Variants in DSCAML1 observed in about 807,000 individuals in gnomAD.
The protein encoded by DSCAML1 is cell adhesion molecule DSCAML1.
A neutral mutation model predicts 200.5 loss-of-function variants in DSCAML1; 38 were observed. That is an observed-to-expected ratio of 0.19 (90% CI 0.15 to 0.25). The LOEUF (loss-of-function observed/expected upper bound fraction) is 0.25, where lower values mean the gene tolerates loss of function less well. Among genes scored for constraint, DSCAML1 ranks in the 10% least tolerant of loss-of-function variants. The probability of loss-of-function intolerance (pLI) is 1.00; values close to 1 mark genes in which losing one functional copy is unlikely to be tolerated. For synonymous variants in DSCAML1, 1,215 were observed against 1,165.0 expected (o/e 1.04, Z -0.87); for missense variants, 2,223 against 2,858.8 (o/e 0.78, Z 5.07).
chr11:117,672,102 G>GGAAAAAAAAAGAAA (rs1555196987), intron 3 of DSCAML1, among the ~76,000 whole-genome samples: 4 of 94,506 alleles, frequency 4.2e-5, no homozygotes, highest in Non-Finnish European at 6.0e-5. Context: ...CTCCAGCTCA[G>GGAAAAAAAAAGAAA]AAAAAAAAAA....
In DSCAML1 at chr11:117,672,102, G is replaced by GAAAAAAAAAA. The variant is rs71037491; in HGVS notation, c.511+104679_511+104688dup. Among the ~76,000 whole-genome samples, 779 of 94,376 alleles carry GAAAAAAAAAA rather than the reference G, an allele frequency of 8.3e-3. 2 individuals carry two copies. Among genetic ancestry groups the GAAAAAAAAAA allele is most frequent in the Non-Finnish European group, 0.011 (531 of 50,296 alleles). The allele number at this position is 94,376 out of a possible 152,430, so 61.9% of individuals were successfully genotyped here. On this transcript the variant is annotated intron_variant, in intron 3 of 32. Coordinates refer to ENST00000651296, the MANE Select transcript of DSCAML1 (RefSeq NM_020693.4). ...GGCGACAGAGCGAGACTCCAGCTCA[G>GAAAAAAAAAA]AAAAAAAAAAAAAAAAAAAAAGAAG...
chr11:117,682,094 G>A (rs1348972354), intron 3 of DSCAML1, among the ~76,000 whole-genome samples: 1 of 152,184 alleles, frequency 6.6e-6, no homozygotes, highest in Non-Finnish European at 1.5e-5. Flanking sequence ...GTTTATGGTT[G>A]TCACAAAGAT....
At chr11:117,526,780 T>C (rs1446040915) in intron 4 of DSCAML1, among the ~76,000 whole-genome samples, 11 of 152,164 alleles carry the variant, frequency 7.2e-5, no homozygotes, top group Non-Finnish European at 1.0e-4. Flanking sequence ...CTTCCCAAAG[T>C]GCTGAGATTA....
chr11:117,600,100 C>T (rs2051436595), intron 3 of DSCAML1, among the ~76,000 whole-genome samples: 1 of 152,222 alleles, frequency 6.6e-6, no homozygotes, highest in African/African-American at 2.4e-5. Context: ...GGGAATGAGT[C>T]TTCATATATG....
intron 3 of DSCAML1, among the ~76,000 whole-genome samples, chr11:117,697,584 C>T (rs2053605560): frequency 6.6e-6 from 1 of 152,114 alleles, no homozygotes; most frequent in Non-Finnish European, 1.5e-5. Context: ...CCATTAAACA[C>T]TAACCCCCCA....
intron 3 of DSCAML1, among the ~76,000 whole-genome samples, chr11:117,539,659 G>C (rs1372950685): frequency 7.2e-6 from 1 of 138,838 alleles, no homozygotes; most frequent in Non-Finnish European, 1.5e-5. Context: ...GCAGTGGCAA[G>C]AGGTTTGCCA....
intron 3 of DSCAML1, among the ~76,000 whole-genome samples, chr11:117,603,176 G>C (rs1013505548): frequency 1.3e-5 from 2 of 152,200 alleles, no homozygotes; most frequent in African/African-American, 4.8e-5. Context: ...AACTGACACA[G>C]AGTCTCCCAA....
At chr11:117,708,146 T>C (rs1383659218) in intron 3 of DSCAML1, among the ~76,000 whole-genome samples, 1 of 152,170 alleles carries the variant, frequency 6.6e-6, no homozygotes. Flanking sequence ...AGTATGACCC[T>C]CTGTCTTCTC....
At chr11:117,715,951 TTA>T (rs542212096) in intron 3 of DSCAML1, among the ~76,000 whole-genome samples, 239 of 152,320 alleles carry the variant, frequency 1.6e-3, no homozygotes, top group African/African-American at 5.0e-3. Context: ...AATTATTGCT[TTA>T]TTTCCCACCC....
chr11:117,743,036 C>T (rs1205639649), intron 3 of DSCAML1, among the ~76,000 whole-genome samples: 2 of 152,202 alleles, frequency 1.3e-5, no homozygotes, highest in Non-Finnish European at 2.9e-5. Context: ...TCCACCCATC[C>T]GTCCATCCAT....
rs568345209 is a variant in DSCAML1, at chr11:117,690,781, G to A, written c.511+86010C>T. Among the ~76,000 whole-genome samples the A allele has an allele frequency of 5.8e-4, 88 of 152,290 alleles. 1 individual carries two copies. The highest frequency in any genetic ancestry group is 6.8e-4 in the Non-Finnish European group (46 of 68,022). ...AACAGAAAAAGGGAACCTTTCAGTA[G>A]TTCTCACTCTGTGCTTCATGAAGCT... On this transcript the variant is annotated intron_variant, in intron 3 of 32. Coordinates refer to ENST00000651296, the MANE Select transcript of DSCAML1 (RefSeq NM_020693.4).
intron 20 of DSCAML1, among the ~76,000 whole-genome samples, chr11:117,445,167 G>A (rs2137102078): frequency 6.6e-6 from 1 of 152,346 alleles, no homozygotes; most frequent in South Asian, 2.1e-4. Flanking sequence ...GGGGCTGAGA[G>A]GCCCAATAAC....
chr11:117,784,861 G>A (rs1380858366), intron 1 of DSCAML1, among the ~76,000 whole-genome samples: 1 of 152,194 alleles, frequency 6.6e-6, no homozygotes, highest in Non-Finnish European at 1.5e-5. Flanking sequence ...GGCAGTTCTT[G>A]ATTCCCCATG....
intron 11 of DSCAML1, among the ~76,000 whole-genome samples, chr11:117,486,834 T>C (rs1001355450): frequency 2.7e-5 from 4 of 149,796 alleles, no homozygotes; most frequent in African/African-American, 7.4e-5. Flanking sequence ...CCAGCCCAAA[T>C]TGGGATGTGT....
intron 11 of DSCAML1, among the ~76,000 whole-genome samples, chr11:117,501,109 T>C (rs596707): frequency 0.13 from 19,193 of 151,980 alleles, 1,310 homozygotes; most frequent in East Asian, 0.22. Context: ...GTCCCGAAGG[T>C]TCTACCTACC....
At chr11:117,684,462 A>AAAAAAAAAAAAAAG (rs1565872985) in intron 3 of DSCAML1, among the ~76,000 whole-genome samples, 1 of 129,958 alleles carries the variant, frequency 7.7e-6, no homozygotes, top group Non-Finnish European at 1.6e-5. Context: ...AAAAAAAAAG[A>AAAAAAAAAAAAAAG]AAAAAAGAGG....
chr11:117,815,657 G>A (rs1203564129), intron 1 of DSCAML1, among the ~76,000 whole-genome samples: 1 of 152,032 alleles, frequency 6.6e-6, no homozygotes, highest in East Asian at 2.0e-4. Context: ...GAGGAACTTC[G>A]GGGTGTCACT....
At chr11:117,658,668 A>C (rs904808321) in intron 3 of DSCAML1, among the ~76,000 whole-genome samples, 2 of 152,228 alleles carry the variant, frequency 1.3e-5, no homozygotes, top group African/African-American at 4.8e-5. Flanking sequence ...AACATCTCAG[A>C]AGAGTGTAAT....
chr11:117,683,687 A>G (rs1591396415), intron 3 of DSCAML1, among the ~76,000 whole-genome samples: 1 of 152,238 alleles, frequency 6.6e-6, no homozygotes, highest in South Asian at 2.1e-4. Context: ...TGGATTCACT[A>G]CTACTTGAAG....
Sources: allele counts gnomAD v4.1 joint callset (sites outside exome capture counted in the v4.1 genomes callset), GRCh38; gene constraint gnomAD v4.1.1; transcripts MANE v1.5; gene names NCBI Gene and HGNC (gene_info 2026-07-23, HGNC 2026-07-21).